IPO11: variants seen among roughly 807,000 people sequenced by gnomAD.
IPO11 encodes the protein importin-11.
A neutral mutation model predicts 143.2 loss-of-function variants in IPO11; 66 were observed. The ratio of observed to expected loss-of-function variants is 0.46; its 90% CI spans 0.38 to 0.57. The LOEUF (loss-of-function observed/expected upper bound fraction) is 0.57, where lower values mean the gene tolerates loss of function less well. Among genes scored for constraint, IPO11 ranks in the 20% least tolerant of loss-of-function variants. The probability of loss-of-function intolerance (pLI) is 0.00; values close to 1 mark genes in which losing one functional copy is unlikely to be tolerated. For missense variants in IPO11, 1,026 were observed against 1,141.0 expected (o/e 0.90, Z 1.45); for synonymous variants, 385 against 377.8 (o/e 1.02, Z -0.22).
At chr5:62,556,853 C>T (rs139091225) in intron 26 of IPO11, among the ~76,000 whole-genome samples, 149 of 152,090 alleles carry the variant, frequency 9.8e-4, no homozygotes, top group African/African-American at 3.5e-3. Context: ...TTTCCTTGCT[C>T]TCCTAGTCTT....
intron 29 of IPO11, among the ~76,000 whole-genome samples, chr5:62,603,830 C>T (rs1745598270): frequency 6.6e-6 from 1 of 152,206 alleles, no homozygotes; most frequent in Non-Finnish European, 1.5e-5. Context: ...ATGCACTGCT[C>T]AGCAACACAA....
chr5:62,573,266 C>T (rs1190153595), intron 27 of IPO11, among the ~76,000 whole-genome samples: 1 of 152,120 alleles, frequency 6.6e-6, no homozygotes, highest in Non-Finnish European at 1.5e-5. Flanking sequence ...CTTTATAGGG[C>T]TCCTGTGAGG....
At chr5:62,581,238 T>A in intron 27 of IPO11, 2 of 1,542,094 alleles carry the variant, frequency 1.3e-6, no homozygotes, top group South Asian at 2.5e-5. Context: ...TGGAGCAGAT[T>A]CGACTTCATA....
chr5:62,435,172 G>GTATATATATGTATATATATA (rs368807385), intron 1 of IPO11, among the ~76,000 whole-genome samples: 1 of 88,312 alleles, frequency 1.1e-5, no homozygotes, highest in Non-Finnish European at 2.2e-5. Context: ...GTATATATAT[G>GTATATATATGTATATATATA]TATATATGTA....
chr5:62,513,350 TGGGCGGGGGGCTGA>T (rs1741854180), intron 19 of IPO11, among the ~76,000 whole-genome samples: 1 of 77,730 alleles, frequency 1.3e-5, no homozygotes, highest in Non-Finnish European at 2.6e-5. Context: ...GGCGGCTGGC[TGGGCGGGGGGCTGA>T]GCCCCCCACC....
In IPO11 at chr5:62,422,299, G is replaced by A. The variant is rs187804005; in HGVS notation, c.-7+9370G>A. On this transcript the variant is annotated intron_variant, in intron 1 of 29. Coordinates refer to ENST00000325324, the MANE Select transcript of IPO11 (RefSeq NM_016338.5). ...CCACCACCATGCTCAGCTAATTTTT[G>A]TGTTTTTAGTAGAAATGGGGTTTCA... Among the ~76,000 whole-genome samples the A allele has an allele frequency of 2.7e-3, 405 of 152,066 alleles. 4 individuals are homozygous for A. Among genetic ancestry groups the A allele is most frequent in the African/African-American group, 9.3e-3 (385 of 41,494 alleles).
intron 2 of IPO11, among the ~76,000 whole-genome samples, chr5:62,442,091 G>A (rs986083493): frequency 3.3e-5 from 5 of 151,904 alleles, no homozygotes; most frequent in African/African-American, 1.2e-4. Flanking sequence ...TGATTCGCCT[G>A]CCTCGACCTC....
intron 28 of IPO11, chr5:62,601,105 A>G (rs1397711258): frequency 6.6e-6 from 1 of 152,222 alleles, no homozygotes; most frequent in Non-Finnish European, 1.5e-5. Context: ...ACAAGTTAGG[A>G]AACAGTGGGA....
intron 24 of IPO11, among the ~76,000 whole-genome samples, chr5:62,537,534 C>T (rs539784905): frequency 6.6e-6 from 1 of 152,246 alleles, no homozygotes; most frequent in South Asian, 2.1e-4. Flanking sequence ...GGATTTCTAA[C>T]AAGGTCTGAA....
At chr5:62,602,477 C>T (rs908954480) in intron 29 of IPO11, among the ~76,000 whole-genome samples, 1 of 151,924 alleles carries the variant, frequency 6.6e-6, no homozygotes, top group South Asian at 2.1e-4. Context: ...TGTCTTCTGG[C>T]CTCATCATTT....
chr5:62,607,118 T>A (rs551079323), intron 29 of IPO11, among the ~76,000 whole-genome samples: 42 of 152,296 alleles, frequency 2.8e-4, no homozygotes, highest in African/African-American at 9.4e-4. Flanking sequence ...CATTTTTCTC[T>A]TAGAGCACAG....
At chr5:62,567,448 C>T (rs1313050707) in intron 27 of IPO11, among the ~76,000 whole-genome samples, 1 of 132,036 alleles carries the variant, frequency 7.6e-6, no homozygotes, top group Non-Finnish European at 1.6e-5. Flanking sequence ...ATATTTATAT[C>T]TTTCTCTGGA....
intron 27 of IPO11, among the ~76,000 whole-genome samples, chr5:62,568,187 C>T (rs1040253079): frequency 6.6e-6 from 1 of 151,260 alleles, no homozygotes; most frequent in Admixed American, 6.6e-5. Flanking sequence ...TCTGGTCAGA[C>T]CCCTGAGCTC....
At chr5:62,586,760 AAAAAAAAAAT>A (rs1396804913) in intron 27 of IPO11, among the ~76,000 whole-genome samples, 4 of 81,614 alleles carry the variant, frequency 4.9e-5, no homozygotes, top group African/African-American at 1.4e-4. Flanking sequence ...TCCAAAAAAA[AAAAAAAAAAT>A]ATATATATAT....
At chr5:62,626,928 C>T (rs1047998611) in intron 29 of IPO11, among the ~76,000 whole-genome samples, 5 of 152,164 alleles carry the variant, frequency 3.3e-5, no homozygotes, top group Admixed American at 3.3e-4. Context: ...AATGCCTGAT[C>T]AGAAAACATG....
intron 29 of IPO11, among the ~76,000 whole-genome samples, chr5:62,613,154 A>T (rs1196156086): frequency 6.6e-6 from 1 of 152,082 alleles, no homozygotes; most frequent in Non-Finnish European, 1.5e-5. Context: ...TTTTTGTTTG[A>T]TGAATGGCTT....
At chr5:62,461,427 G>A (rs758382696) in intron 5 of IPO11, among the ~76,000 whole-genome samples, 7 of 152,214 alleles carry the variant, frequency 4.6e-5, no homozygotes, top group East Asian at 1.9e-4. Context: ...ATTGGGTGAC[G>A]CAAAGAACAG....
At chr5:62,559,279 C>T (rs368042335) in intron 26 of IPO11, among the ~76,000 whole-genome samples, 2 of 151,920 alleles carry the variant, frequency 1.3e-5, no homozygotes, top group South Asian at 4.2e-4. Context: ...ACTGAATGGT[C>T]CTCAGAGAGC....
chr5:62,502,443 C>T (rs754492648), intron 16 of IPO11, among the ~76,000 whole-genome samples: 2 of 152,080 alleles, frequency 1.3e-5, no homozygotes, highest in African/African-American at 2.4e-5. Flanking sequence ...CAGGAAGAGC[C>T]GACTGTTTTT....
Sources: gnomAD v4.1 joint callset for allele counts (sites outside exome capture counted in the v4.1 genomes callset) on GRCh38, gnomAD v4.1.1 for gene constraint, MANE v1.5 for transcripts, NCBI Gene and HGNC (gene_info 2026-07-23, HGNC 2026-07-21) for gene names.